DCC: variants seen among roughly 807,000 people sequenced by gnomAD.
The protein encoded by DCC is netrin receptor DCC.
DCC carries 58 observed loss-of-function variants against 172.5 expected under a neutral mutation model. The observed-to-expected ratio is 0.34, with a 90% CI of 0.27 to 0.42. DCC has a LOEUF of 0.42. Ranked by LOEUF, DCC falls within the 10% of genes least tolerant of loss-of-function variation. DCC has a pLI of 1.00. For missense variants in DCC, 1,740 were observed against 1,791.0 expected, an observed-to-expected ratio of 0.97 and a Z score of 0.51; for synonymous variants, 709 against 644.5, an observed-to-expected ratio of 1.10 and a Z score of -1.52.
chr18:52,552,581 A>G (rs1023612577), intron 1 of DCC, among the ~76,000 whole-genome samples: 1 of 152,062 alleles, frequency 6.6e-6, no homozygotes, highest in Non-Finnish European at 1.5e-5. Flanking sequence ...AAATTTGGGG[A>G]CAGTAAAAGC....
intron 2 of DCC, among the ~76,000 whole-genome samples, chr18:52,869,901 C>A (rs1413814906): frequency 6.6e-6 from 1 of 152,184 alleles, no homozygotes; most frequent in African/African-American, 2.4e-5. Flanking sequence ...CTCAGGCCCC[C>A]AAGGGTGCAG....
chr18:53,423,975 A>G (rs528224262), intron 21 of DCC, among the ~76,000 whole-genome samples: 19 of 152,312 alleles, frequency 1.2e-4, no homozygotes, highest in African/African-American at 4.6e-4. Flanking sequence ...GGCTGTGTAT[A>G]TTGGAGATTT....
intron 15 of DCC, among the ~76,000 whole-genome samples, chr18:53,344,785 A>G (rs1466156678): frequency 6.6e-6 from 1 of 151,580 alleles, no homozygotes; most frequent in African/African-American, 2.4e-5. Context: ...CTGATATTGC[A>G]TATTGCAGTA....
chr18:52,658,260 G>A (rs1403650667), intron 1 of DCC, among the ~76,000 whole-genome samples: 1 of 152,102 alleles, frequency 6.6e-6, no homozygotes, highest in Admixed American at 6.5e-5. Flanking sequence ...CTCTCTGATA[G>A]GTAGAAAACA....
chr18:52,758,378 C>G (rs994335114), intron 2 of DCC, among the ~76,000 whole-genome samples: 1 of 152,086 alleles, frequency 6.6e-6, no homozygotes, highest in Non-Finnish European at 1.5e-5. Flanking sequence ...CATTTCTTGA[C>G]TTGTTATTTC....
At chr18:53,506,079 C>T (rs2046171449) in intron 27 of DCC, among the ~76,000 whole-genome samples, 2 of 152,110 alleles carry the variant, frequency 1.3e-5, no homozygotes, top group Admixed American at 1.3e-4. Flanking sequence ...CCAGCATTAC[C>T]AATACAGAGG....
intron 17 of DCC, among the ~76,000 whole-genome samples, chr18:53,392,129 T>C (rs1035077739): frequency 5.3e-5 from 8 of 152,146 alleles, no homozygotes; most frequent in African/African-American, 1.7e-4. Flanking sequence ...TTTCACCAGA[T>C]GCTGAGTTTG....
chr18:52,597,683 A>C (rs7227867), intron 1 of DCC, among the ~76,000 whole-genome samples: 3,140 of 152,286 alleles, frequency 0.021, 122 homozygotes, highest in African/African-American at 0.072. Context: ...AACCAGAGGA[A>C]ACTGTGCAGC....
chr18:52,489,403 A>G (rs893000577), intron 1 of DCC, among the ~76,000 whole-genome samples: 5 of 152,138 alleles, frequency 3.3e-5, no homozygotes, highest in African/African-American at 1.2e-4. Context: ...TATGATTTTG[A>G]TAGTAAACCT....
At position 52,906,138 on chromosome 18, in the gene DCC, A is replaced by C. The variant is rs1292043584; in HGVS notation, c.507A>C (p.Pro169=). ...GTGAAGTCATTGGGGAGCCCATGCC[A>C]ACAATCCACTGGCAGAAGAACCAAC... The part of the protein sequence containing the change: ...LKCEVIGEPM[P]TIHWQKNQQD... The change falls in exon 3 of 29, where the codon CCA becomes CCC. Residue 169 remains proline (P), a synonymous_variant. Coordinates refer to ENST00000442544, the MANE Select transcript of DCC (RefSeq NM_005215.4). 8 of 1,614,088 alleles carry C rather than the reference A, an allele frequency of 5.0e-6. No individual in the cohort carries two copies. Among genetic ancestry groups the C allele is most frequent in the Non-Finnish European group, 6.8e-6 (8 of 1,180,014 alleles).
chr18:53,073,751 T>C (rs888237365), intron 7 of DCC, among the ~76,000 whole-genome samples: 1 of 151,954 alleles, frequency 6.6e-6, no homozygotes, highest in East Asian at 1.9e-4. Flanking sequence ...CAGTATATCA[T>C]ATAGCTTGGA....
intron 12 of DCC, among the ~76,000 whole-genome samples, chr18:53,262,281 C>A (rs1309047766): frequency 6.6e-6 from 1 of 152,142 alleles, no homozygotes. Flanking sequence ...TTCCTCGTAG[C>A]CTAAAATCAA....
chr18:52,667,785 A>AAAAG (rs1028614574), intron 1 of DCC, among the ~76,000 whole-genome samples: 1 of 152,176 alleles, frequency 6.6e-6, no homozygotes, highest in African/African-American at 2.4e-5. Context: ...GAAAGAAAGT[A>AAAAG]AAAGAAATTA....
chr18:52,705,654 A>G (rs2036195916), intron 1 of DCC, among the ~76,000 whole-genome samples: 1 of 152,186 alleles, frequency 6.6e-6, no homozygotes, highest in South Asian at 2.1e-4. Flanking sequence ...ATCTAAAAAC[A>G]CAGATCTTGA....
At chr18:52,480,552 A>ATTTC (rs1354399660) in intron 1 of DCC, among the ~76,000 whole-genome samples, 29 of 152,204 alleles carry the variant, frequency 1.9e-4, no homozygotes, top group Non-Finnish European at 2.5e-4. Context: ...CAGTGATAAA[A>ATTTC]TTAATAGCAC....
intron 1 of DCC, 24 bp from the exon 2 acceptor site, chr18:52,752,030 T>C (rs1186851143): frequency 6.3e-7 from 1 of 1,598,462 alleles, no homozygotes. Context: ...CATGAACATA[T>C]TTCCCTGTGC....
intron 1 of DCC, among the ~76,000 whole-genome samples, chr18:52,600,622 A>G (rs1359561298): frequency 6.6e-6 from 1 of 152,156 alleles, no homozygotes; most frequent in Non-Finnish European, 1.5e-5. Context: ...GACTCTTTTT[A>G]TAGATAATCT....
At chr18:52,479,743 A>G (rs1295237803) in intron 1 of DCC, among the ~76,000 whole-genome samples, 3 of 152,170 alleles carry the variant, frequency 2.0e-5, no homozygotes, top group Non-Finnish European at 4.4e-5. Flanking sequence ...TTCTGTACCA[A>G]CATGGCTAGA....
intron 1 of DCC, among the ~76,000 whole-genome samples, chr18:52,554,713 T>C (rs2144729038): frequency 6.6e-6 from 1 of 152,210 alleles, no homozygotes; most frequent in South Asian, 2.1e-4. Flanking sequence ...CCAGAATATG[T>C]CTTCCATGAC....
Sources: allele counts gnomAD v4.1 joint callset (sites outside exome capture counted in the v4.1 genomes callset), GRCh38; gene constraint gnomAD v4.1.1; transcripts MANE v1.5; gene names NCBI Gene and HGNC (gene_info 2026-07-23, HGNC 2026-07-21).